MAP3K21: variants seen among roughly 807,000 people sequenced by gnomAD.
MAP3K21 encodes the protein mitogen-activated protein kinase kinase kinase 21, also known as mitogen-activated protein kinase kinase kinase MLK4.
In MAP3K21, 63 loss-of-function variants were observed where a neutral mutation model predicts 86.1. The ratio of observed to expected loss-of-function variants is 0.73; its 90% confidence interval spans 0.60 to 0.90. MAP3K21 has a LOEUF of 0.90. Ranked by LOEUF, MAP3K21 falls within the 40% of genes least tolerant of loss-of-function variation. The pLI, the probability that MAP3K21 is intolerant of heterozygous loss-of-function variation, is 0.00. For synonymous variants in MAP3K21, 558 were observed against 564.8 expected (o/e 0.99, Z 0.17); for missense variants, 1,220 against 1,367.7 (o/e 0.89, Z 1.70).
intron 8 of MAP3K21, among the ~76,000 whole-genome samples, chr1:233,378,039 C>T (rs1663832000): frequency 6.6e-6 from 1 of 152,208 alleles, no homozygotes; most frequent in South Asian, 2.1e-4. Context: ...CACTCGCCCA[C>T]CTGCTGCTCA....
At chr1:233,367,859 CAAAA>C (rs5781742) in intron 5 of MAP3K21, among the ~76,000 whole-genome samples, 12 of 122,012 alleles carry the variant, frequency 9.8e-5, no homozygotes, top group African/African-American at 3.6e-4. Context: ...GACTCCGTCT[CAAAA>C]AAAAAAAAAA....
chr1:233,331,551 G>T (rs1214555430), intron 1 of MAP3K21, among the ~76,000 whole-genome samples: 1 of 152,084 alleles, frequency 6.6e-6, no homozygotes, highest in Non-Finnish European at 1.5e-5. Flanking sequence ...TGATTTTATT[G>T]GATATTTGCT....
intron 5 of MAP3K21, among the ~76,000 whole-genome samples, chr1:233,364,873 G>A (rs951136114): frequency 3.9e-5 from 6 of 152,082 alleles, no homozygotes; most frequent in African/African-American, 1.4e-4. Context: ...TAGCATGACA[G>A]TTACCTCTTC....
In MAP3K21 at chr1:233,357,357, A is replaced by G. The variant is rs189521418; in HGVS notation, c.1311+2346A>G. On this transcript the variant is annotated intron_variant, in intron 4 of 9. Transcript: ENST00000366624. Reference sequence around the variant, plus strand: ...AACAGGGCGCATGTATACATATGTAAGAAACCTGCACGTTGTGCACATGTA... The same window carrying G: ...AACAGGGCGCATGTATACATATGTAGGAAACCTGCACGTTGTGCACATGTA... 6.3e-3 allele frequency among the ~76,000 whole-genome samples: 960 copies of G among 152,268 alleles called. 14 individuals are homozygous for G. The highest frequency in any genetic ancestry group is 0.022 in the African/African-American group (916 of 41,526).
At chr1:233,351,821 C>T (rs1663258136) in intron 2 of MAP3K21, among the ~76,000 whole-genome samples, 1 of 152,190 alleles carries the variant, frequency 6.6e-6, no homozygotes, top group Middle Eastern at 3.5e-3. Context: ...GTGAATAGAG[C>T]TTCACTAGTT....
At chr1:233,340,511 A>AG (rs1480881497) in intron 1 of MAP3K21, among the ~76,000 whole-genome samples, 1 of 151,800 alleles carries the variant, frequency 6.6e-6, no homozygotes, top group Non-Finnish European at 1.5e-5. Context: ...GAGATTGAGA[A>AG]GGGACGGAGG....
intron 5 of MAP3K21, among the ~76,000 whole-genome samples, chr1:233,368,009 C>T (rs1009658451): frequency 3.9e-5 from 6 of 152,180 alleles, no homozygotes; most frequent in East Asian, 3.8e-4. Context: ...TGCTCTCACC[C>T]GTGGCTTTCC....
chr1:233,340,348 A>C (rs1350290231), intron 1 of MAP3K21, among the ~76,000 whole-genome samples: 2 of 152,172 alleles, frequency 1.3e-5, no homozygotes, highest in Non-Finnish European at 2.9e-5. Flanking sequence ...TAGAGGGCGG[A>C]AGAGGAAGGC....
At chr1:233,366,089 C>G (rs1663568298) in intron 5 of MAP3K21, among the ~76,000 whole-genome samples, 1 of 151,786 alleles carries the variant, frequency 6.6e-6, no homozygotes. Flanking sequence ...GTAAGTCAGG[C>G]ACAAGAAAAT....
chr1:233,343,458 G>A (rs1663075961), intron 1 of MAP3K21, among the ~76,000 whole-genome samples: 1 of 152,154 alleles, frequency 6.6e-6, no homozygotes, highest in Non-Finnish European at 1.5e-5. Flanking sequence ...AGGCGGGTTG[G>A]CCCTAGACTG....
At chr1:233,359,804 T>C (rs946343116) in intron 4 of MAP3K21, among the ~76,000 whole-genome samples, 1 of 152,238 alleles carries the variant, frequency 6.6e-6, no homozygotes, top group African/African-American at 2.4e-5. Context: ...GAAAGAATGT[T>C]TTTGTGCTTC....
intron 1 of MAP3K21, among the ~76,000 whole-genome samples, chr1:233,329,950 C>T (rs1662780656): frequency 6.6e-6 from 1 of 152,184 alleles, no homozygotes; most frequent in Non-Finnish European, 1.5e-5. Flanking sequence ...GATGTTGGTT[C>T]TTTAATATTG....
chr1:233,330,031 T>C (rs1387444051), intron 1 of MAP3K21, among the ~76,000 whole-genome samples: 2 of 152,270 alleles, frequency 1.3e-5, no homozygotes, highest in Admixed American at 6.5e-5. Flanking sequence ...AGCCCTGGCA[T>C]TGGCCTACAA....
rs1435165537 is a variant in MAP3K21, at chr1:233,379,114, A to C, written c.2108A>C (p.Glu703Ala). The C allele has an allele frequency of 1.2e-6, 2 of 1,614,088 alleles. No homozygotes were observed. Among genetic ancestry groups the C allele is most frequent in the Non-Finnish European group, 1.7e-6 (2 of 1,180,034 alleles). ...ASANAATVSI[E>A]MTPTNSLSRS... ...GCGAATGCTGCCACAGTCTCCATTG[A>C]GATGACTCCTACGAATAGTCTGAGT... is the stretch of plus-strand genomic sequence containing the variant. The change falls in exon 9 of 10, where the codon GAG becomes GCG. Residue 703 changes from glutamate to alanine, a missense_variant. Glu to Ala is a moderately radical substitution (Grantham distance 107). Around this residue, in one of 5 missense-constraint regions of MAP3K21, gnomAD observed 632 missense variants for 691.3 expected, o/e 0.91. Transcript: ENST00000366624.
intron 4 of MAP3K21, among the ~76,000 whole-genome samples, chr1:233,356,967 G>A (rs1006617778): frequency 9.9e-5 from 15 of 152,174 alleles, no homozygotes; most frequent in African/African-American, 3.4e-4. Flanking sequence ...TGAGCTATAC[G>A]TAACATTTAA....
chr1:233,368,209 C>G (rs1663615991), intron 5 of MAP3K21, among the ~76,000 whole-genome samples: 1 of 152,184 alleles, frequency 6.6e-6, no homozygotes, highest in Non-Finnish European at 1.5e-5. Context: ...AGGTGGCTAG[C>G]TGAACATTTA....
chr1:233,379,508 C>G lies in MAP3K21; in HGVS notation c.2502C>G (p.Leu834=). 6.2e-7 allele frequency: 1 copy of G among 1,614,198 alleles called. No homozygotes were observed. The highest frequency in any genetic ancestry group is 8.5e-7 in the Non-Finnish European group (1 of 1,180,042). ...CTGTCACTTGTGACTCTGAGATGCT[C>G]ACTCCGGATTTTTGTCCCACTGCCC... The part of the protein sequence containing the change: ...SAPVTCDSEM[L]TPDFCPTAPG... Residue 834 remains leucine (L), a synonymous_variant, in exon 9 of 10, where the codon CTC becomes CTG. Coordinates refer to ENST00000366624, the MANE Select transcript of MAP3K21 (RefSeq NM_032435.3).
chr1:233,351,781 A>C (rs1199393749), intron 2 of MAP3K21, among the ~76,000 whole-genome samples: 1 of 152,228 alleles, frequency 6.6e-6, no homozygotes, highest in Non-Finnish European at 1.5e-5. Flanking sequence ...AAAAAAGTTA[A>C]AGCTAATGAG....
intron 1 of MAP3K21, among the ~76,000 whole-genome samples, chr1:233,345,604 G>T (rs1663120977): frequency 6.6e-6 from 1 of 151,854 alleles, no homozygotes; most frequent in Non-Finnish European, 1.5e-5. Context: ...CAGGGGGAGG[G>T]ATAGCATTAG....
Sources: gnomAD v4.1 joint callset for allele counts (sites outside exome capture counted in the v4.1 genomes callset) on GRCh38, gnomAD v4.1.1 for gene constraint, gnomAD v4.1.1 regional missense constraint, MANE v1.5 for transcripts, NCBI Gene and HGNC (gene_info 2026-07-23, HGNC 2026-07-21) for gene names.